The following HELQ variants were observed in gnomAD, a reference collection of about 807,000 sequenced individuals.
HELQ encodes helicase POLQ-like.
HELQ carries 77 observed loss-of-function variants against 111.6 expected under a neutral mutation model. The ratio of observed to expected loss-of-function variants is 0.69; its 90% CI spans 0.57 to 0.83. The LOEUF is 0.83. Ranked by LOEUF, HELQ falls within the 40% of genes least tolerant of loss-of-function variation. The pLI is 0.00. For missense variants in HELQ, 1,200 were observed against 1,288.5 expected (o/e 0.93, Z 1.05); for synonymous variants, 438 against 454.7 (o/e 0.96, Z 0.47).
intron 2 of HELQ, among the ~76,000 whole-genome samples, chr4:83,449,868 CAA>C (rs35086534): frequency 1.5e-5 from 2 of 137,216 alleles, no homozygotes. Context: ...AAATAACTAT[CAA>C]AAAAAAAAAA....
rs1489750271 is a variant in HELQ, at chr4:83,446,044, T to C, written c.1435A>G (p.Met479Val). 3 of 1,613,266 alleles carry C rather than the reference T, an allele frequency of 1.9e-6. No individual in the cohort carries two copies. Among genetic ancestry groups the C allele is most frequent in the Non-Finnish European group, 2.5e-6 (3 of 1,179,478 alleles). Reference protein sequence around the residue: ...GEGSRGATLEMTLAKILYTSK... With the variant: ...GEGSRGATLEVTLAKILYTSK... ...GTGTAGAGGATTTTTGCTAGGGTCATTTCCAGTGTAGCTCCACGGCTTCCT... is the reference window on the plus strand; with the variant it reads ...GTGTAGAGGATTTTTGCTAGGGTCACTTCCAGTGTAGCTCCACGGCTTCCT... The change falls in exon 5 of 18, where the codon ATG (methionine) becomes GTG (valine). Residue 479 changes from methionine (M) to valine (V), a missense_variant. Physicochemically the swap from Met to Val is conservative, Grantham distance 21 (BLOSUM62 1). This residue lies in a region of HELQ where 610 missense variants were observed against 607.1 expected (regional missense o/e 1.00). Coordinates refer to ENST00000295488, the MANE Select transcript of HELQ (RefSeq NM_133636.5).
At chr4:83,440,866 C>T (rs142699019) in intron 7 of HELQ, among the ~76,000 whole-genome samples, 92 of 152,292 alleles carry the variant, frequency 6.0e-4, no homozygotes, top group African/African-American at 2.1e-3. Context: ...CGTACTTCCT[C>T]ACAATTTAGT....
At chr4:83,448,532 TG>T (rs1721173232) in intron 3 of HELQ, among the ~76,000 whole-genome samples, 1 of 151,872 alleles carries the variant, frequency 6.6e-6, no homozygotes, top group South Asian at 2.1e-4. Context: ...TGGCTGGGTA[TG>T]GTGGCATGGG....
At chr4:83,430,278 A>C (rs533040405) in intron 11 of HELQ, among the ~76,000 whole-genome samples, 41 of 150,498 alleles carry the variant, frequency 2.7e-4, no homozygotes, top group African/African-American at 4.9e-5. Flanking sequence ...GTATAATAAA[A>C]AAAAAACAAA....
chr4:83,421,712 T>C lies in HELQ; in HGVS notation c.2800A>G (p.Arg934Gly), dbSNP rs200682636. Residue 934 changes from arginine to glycine, a missense_variant, in exon 15 of 18, where the codon AGG becomes GGG. Coordinates refer to ENST00000295488, the MANE Select transcript of HELQ (RefSeq NM_133636.5). ...GKKVDKNVVN[R>G]LYLSFVLYTL... is the part of the protein sequence containing the mutation. ...TAAAGAACAAAAGACAGATATAGCCTGTTGACAACGTTCTTGTCCACCTTC... is the reference window on the plus strand; with the variant it reads ...TAAAGAACAAAAGACAGATATAGCCCGTTGACAACGTTCTTGTCCACCTTC... 1.2e-6 allele frequency: 2 copies of C among 1,613,278 alleles called. No homozygotes were observed. The highest frequency in any genetic ancestry group is 1.1e-5 in the South Asian group (1 of 90,954).
chr4:83,425,719 C>T (rs1719815384), intron 14 of HELQ, among the ~76,000 whole-genome samples: 1 of 152,078 alleles, frequency 6.6e-6, no homozygotes, highest in Non-Finnish European at 1.5e-5. Context: ...TTGAATTGAA[C>T]TTATATCAGG....
chr4:83,439,787 T>C (rs1720672231), intron 8 of HELQ, 76 bp downstream of exon 8: 1 of 980,022 alleles, frequency 1.0e-6, no homozygotes, highest in Non-Finnish European at 1.5e-6. Context: ...TAATTAGTGT[T>C]TGCCCAATAA....
intron 5 of HELQ, among the ~76,000 whole-genome samples, chr4:83,444,023 C>CTGT (rs2110004905): frequency 6.6e-6 from 1 of 152,162 alleles, no homozygotes; most frequent in East Asian, 1.9e-4. Flanking sequence ...GCAGCTTGGG[C>CTGT]AACAGTGAGA....
At chr4:83,444,984 G>A (rs1485520406) in intron 5 of HELQ, among the ~76,000 whole-genome samples, 1 of 152,160 alleles carries the variant, frequency 6.6e-6, no homozygotes, top group Non-Finnish European at 1.5e-5. Context: ...TGGCAATCCA[G>A]GTAGAAAGGA....
chr4:83,412,824 C>A (rs1739173243), intron 17 of HELQ, among the ~76,000 whole-genome samples: 1 of 152,120 alleles, frequency 6.6e-6, no homozygotes, highest in South Asian at 2.1e-4. Flanking sequence ...ACCCTGTCTC[C>A]AAAAACAAGT....
intron 5 of HELQ, among the ~76,000 whole-genome samples, 182 bp downstream of exon 5, chr4:83,445,832 G>A (rs544812441): frequency 4.6e-5 from 7 of 152,340 alleles, no homozygotes; most frequent in Non-Finnish European, 8.8e-5. Context: ...AATAATAGAG[G>A]ACTTCTTCAA....
intron 10 of HELQ, 28 bp downstream of exon 10, chr4:83,432,098 A>ACAAC: frequency 6.6e-7 from 1 of 1,525,552 alleles, no homozygotes; most frequent in Non-Finnish European, 8.8e-7. Flanking sequence ...AAAGACAAAA[A>ACAAC]CAACCAACCA....
chr4:83,435,539 G>A (rs1720404275), intron 9 of HELQ, among the ~76,000 whole-genome samples: 1 of 150,692 alleles, frequency 6.6e-6, no homozygotes, highest in Admixed American at 6.6e-5. Flanking sequence ...CCCCTAAAGC[G>A]GTATTCTAAA....
chr4:83,450,640 T>C (rs1721310784), intron 2 of HELQ, among the ~76,000 whole-genome samples: 1 of 148,980 alleles, frequency 6.7e-6, no homozygotes, highest in Non-Finnish European at 1.5e-5. Context: ...AAATAACTAA[T>C]ATTTATGAAT....
chr4:83,413,387 G>A (rs896981558), intron 17 of HELQ, among the ~76,000 whole-genome samples: 9 of 152,122 alleles, frequency 5.9e-5, no homozygotes, highest in African/African-American at 2.2e-4. Flanking sequence ...GAAATCTTCT[G>A]TCTGTGTTGT....
chr4:83,452,440 G>C (rs973246216), intron 2 of HELQ, among the ~76,000 whole-genome samples: 2 of 152,210 alleles, frequency 1.3e-5, no homozygotes, highest in African/African-American at 4.8e-5. Flanking sequence ...CATCTGGGTG[G>C]TGGCAGGGAT....
At chr4:83,430,652 T>C (rs1268850570) in intron 11 of HELQ, among the ~76,000 whole-genome samples, 3 of 152,172 alleles carry the variant, frequency 2.0e-5, no homozygotes, top group African/African-American at 7.2e-5. Context: ...AAAATTTAAG[T>C]CGTAATTTCA....
At chr4:83,436,108 A>G (rs949592723) in intron 9 of HELQ, among the ~76,000 whole-genome samples, 4 of 152,150 alleles carry the variant, frequency 2.6e-5, no homozygotes, top group Non-Finnish European at 5.9e-5. Context: ...AATAGTTTTG[A>G]AATATAAAAA....
intron 11 of HELQ, among the ~76,000 whole-genome samples, chr4:83,430,278 A>AAC (rs922786432): frequency 3.3e-5 from 5 of 150,612 alleles, no homozygotes; most frequent in African/African-American, 1.2e-4. Context: ...GTATAATAAA[A>AAC]AAAAAACAAA....
Sources: allele counts gnomAD v4.1 joint callset (sites outside exome capture counted in the v4.1 genomes callset), GRCh38; gene constraint gnomAD v4.1.1; regional missense constraint gnomAD v4.1.1; transcripts MANE v1.5; gene names NCBI Gene and HGNC (gene_info 2026-07-23, HGNC 2026-07-21).